The following TTC34 variants were observed in gnomAD, a reference collection of about 807,000 sequenced individuals.
The protein encoded by TTC34 is tetratricopeptide repeat domain 34, also known as tetratricopeptide repeat protein 34.
TTC34 carries 44 observed loss-of-function variants against 40.7 expected under a neutral mutation model. The ratio of observed to expected loss-of-function variants is 1.08; its 90% CI spans 0.85 to 1.39. The LOEUF (loss-of-function observed/expected upper bound fraction) is 1.39, where lower values mean the gene tolerates loss of function less well. TTC34 is among the 40% of genes most tolerant of loss of function. TTC34 has a pLI of 0.00. For synonymous variants in TTC34, 422 were observed against 398.6 expected (o/e 1.06, Z -0.70); for missense variants, 884 against 838.0 (o/e 1.05, Z -0.68).
At position 2,752,389 on chromosome 1, in the gene TTC34, G is replaced by A. The variant is rs1205338812; in HGVS notation, c.2226+31220C>T. Reference sequence around the variant, plus strand: ...CCCACACCCCCAGGCGAGCATCTGAGAGCATGTAACAGCACCCACACACCC... The same window carrying A: ...CCCACACCCCCAGGCGAGCATCTGAAAGCATGTAACAGCACCCACACACCC... On this transcript the variant is annotated intron_variant, in intron 6 of 8. Coordinates refer to ENST00000401095, the Ensembl canonical transcript of TTC34. 6.2e-4 allele frequency among the ~76,000 whole-genome samples: 3 copies of A among 4,866 alleles called. 1 individual carries two copies. The highest frequency in any genetic ancestry group is 4.1e-3 in the Admixed American group (2 of 482). The allele number at this position is 4,866 out of a possible 152,430, so 3.2% of individuals were successfully genotyped here.
chr1:2,675,218 A>AAGCACG (rs1639860109), intron 6 of TTC34, among the ~76,000 whole-genome samples: 1 of 149,596 alleles, frequency 6.7e-6, no homozygotes, highest in African/African-American at 2.5e-5. Context: ...TGAGCATCTG[A>AAGCACG]GAGCCTGGAA....
chr1:2,654,024 C>G (rs77054157), intron 6 of TTC34, among the ~76,000 whole-genome samples: 1 of 148,908 alleles, frequency 6.7e-6, no homozygotes, highest in Non-Finnish European at 1.5e-5. Context: ...AGGCGAGCAT[C>G]TGACAGCCTG....
At position 2,686,189 on chromosome 1, in the gene TTC34, C is replaced by G. The variant is rs557310711; in HGVS notation, c.2227-40626G>C. ...CAGGTGAACATCGGAGAGTCTGGAG[C>G]AGCGCCCACACCCCCAGGCGAGCAT... On this transcript the variant is annotated intron_variant, in intron 6 of 8. Coordinates refer to ENST00000401095, the Ensembl canonical transcript of TTC34. 2.7e-3 allele frequency among the ~76,000 whole-genome samples: 376 copies of G among 139,406 alleles called. 3 individuals are homozygous for G. Among genetic ancestry groups the G allele is most frequent in the Non-Finnish European group, 3.6e-3 (240 of 66,034 alleles). The allele number at this position is 139,406 out of a possible 152,430, so 91.5% of individuals were successfully genotyped here.
intron 6 of TTC34, among the ~76,000 whole-genome samples, chr1:2,671,858 G>A (rs1416822899): frequency 0.042 from 5,710 of 136,456 alleles, no homozygotes; most frequent in Non-Finnish European, 0.054. Context: ...AACTCATGGA[G>A]CAGCACCCAC....
chr1:2,686,279 A>T (rs1640341142), intron 6 of TTC34, among the ~76,000 whole-genome samples: 1 of 150,812 alleles, frequency 6.6e-6, no homozygotes, highest in East Asian at 2.0e-4. Flanking sequence ...GAGCACCCAC[A>T]CCCCCAGGCG....
intron 6 of TTC34, among the ~76,000 whole-genome samples, chr1:2,758,783 G>T (rs1641594595): frequency 4.1e-5 from 2 of 48,936 alleles, no homozygotes; most frequent in African/African-American, 1.1e-4. Flanking sequence ...AGACAGCCTG[G>T]AGCAGCACCC....
intron 6 of TTC34, among the ~76,000 whole-genome samples, chr1:2,750,655 A>G (rs1641287600): frequency 1.3e-5 from 2 of 149,200 alleles, no homozygotes; most frequent in African/African-American, 2.5e-5. Context: ...CCCCCAGGTG[A>G]GCATCTGACA....
intron 6 of TTC34, among the ~76,000 whole-genome samples, chr1:2,649,213 G>A (rs901316433): frequency 6.6e-6 from 1 of 151,852 alleles, no homozygotes; most frequent in African/African-American, 2.4e-5. Flanking sequence ...CCAACCCCAG[G>A]TGAGCTTGTG....
intron 5 of TTC34, among the ~76,000 whole-genome samples, chr1:2,784,357 G>C (rs1391642958): frequency 1.3e-5 from 2 of 152,172 alleles, no homozygotes; most frequent in African/African-American, 4.8e-5. Context: ...GAGGAACCAG[G>C]AGTATGGGAG....
At chr1:2,784,797 T>C (rs1439020183) in intron 5 of TTC34, among the ~76,000 whole-genome samples, 1 of 152,258 alleles carries the variant, frequency 6.6e-6, no homozygotes, top group Non-Finnish European at 1.5e-5. Flanking sequence ...ATCATGACTA[T>C]TCTTATTCTA....
At chr1:2,646,467 C>T (rs903985799) in intron 6 of TTC34, among the ~76,000 whole-genome samples, 4 of 152,208 alleles carry the variant, frequency 2.6e-5, no homozygotes, top group Non-Finnish European at 5.9e-5. Context: ...TCACTGCAAC[C>T]TTGAGCTCCT....
At chr1:2,695,049 T>C (rs1640797585) in intron 6 of TTC34, among the ~76,000 whole-genome samples, 4 of 147,224 alleles carry the variant, frequency 2.7e-5, no homozygotes, top group African/African-American at 5.0e-5. Flanking sequence ...GGTGAGCATC[T>C]GACACACTGA....
chr1:2,691,624 C>G lies in TTC34; in HGVS notation c.2227-46061G>C, dbSNP rs1640622324. On this transcript the variant is annotated intron_variant, in intron 6 of 8. Transcript: ENST00000401095. ...GACAGCCTGGAACAGCACCCTGCAC[C>G]CCCAGGTGCGCACGTGACAGCCTGG... Among the ~76,000 whole-genome samples the G allele has an allele frequency of 1.8e-5, 2 of 111,382 alleles. 1 individual carries two copies. The highest frequency in any genetic ancestry group is 6.1e-5 in the African/African-American group (2 of 32,650). 73.1% of individuals were successfully genotyped at this position (111,382 alleles called of 152,430 possible). A position where few individuals can be genotyped will look rare whatever the true frequency, so the allele number is the denominator to read the frequency against.
rs898690949 is a variant in TTC34 at position 2,789,383 on chromosome 1, G to A, written c.1628+120C>T. 9 of 1,021,932 alleles carry A rather than the reference G, an allele frequency of 8.8e-6. No individual in the cohort carries two copies. In the African/African-American group the frequency reaches 1.2e-4, roughly 14 times the overall value. 63.3% of individuals were successfully genotyped at this position (1,021,932 alleles called of 1,614,324 possible). A position where few individuals can be genotyped will look rare whatever the true frequency, so the allele number is the denominator to read the frequency against. On this transcript the variant is annotated intron_variant, in intron 3 of 8. Coordinates refer to ENST00000401095, the Ensembl canonical transcript of TTC34. ...GCTAGACCTGCCTCGGGTGCTTTGG[G>A]AAGTCACCAGCCACTGCCTCCGTTC...
At position 2,691,020 on chromosome 1, in the gene TTC34, C is replaced by G. The variant is rs1168567559; in HGVS notation, c.2227-45457G>C. Among the ~76,000 whole-genome samples the G allele has an allele frequency of 2.4e-5, 2 of 83,438 alleles. 1 individual carries two copies. The highest frequency in any genetic ancestry group is 7.7e-5 in the African/African-American group (2 of 26,006). The allele number at this position is 83,438 out of a possible 152,430, so 54.7% of individuals were successfully genotyped here. A position where few individuals can be genotyped will look rare whatever the true frequency, so the allele number is the denominator to read the frequency against. ...CCGGCAGCCTGGAGCGGAACCCACA[C>G]CAACAGGCGAGCATCTGACAGCCTC... On this transcript the variant is annotated intron_variant, in intron 6 of 8. Transcript: ENST00000401095.
At chr1:2,755,751 C>T (rs1380196894) in intron 6 of TTC34, among the ~76,000 whole-genome samples, 36 of 33,890 alleles carry the variant, frequency 1.1e-3, no homozygotes, top group Middle Eastern at 0.015. Context: ...CACACCCAGG[C>T]GAGCATCTGA....
chr1:2,768,310 G>T (rs1328611572), intron 6 of TTC34, among the ~76,000 whole-genome samples: 1 of 152,154 alleles, frequency 6.6e-6, no homozygotes, highest in Non-Finnish European at 1.5e-5. Flanking sequence ...ATGTTCGCAT[G>T]GGGGTGAAGG....
rs1338138256 is a variant in TTC34, at chr1:2,682,096, A to C, written c.2227-36533T>G. Among the ~76,000 whole-genome samples the C allele has an allele frequency of 2.1e-5, 3 of 140,902 alleles. No individual in the cohort carries two copies. In the South Asian group the frequency reaches 7.1e-4, roughly 33 times the overall value. The allele number at this position is 140,902 out of a possible 152,430, so 92.4% of individuals were successfully genotyped here. ...AGGTGAGCATCTGACAGCCTGGAGC[A>C]GCACCCACACCCCCAGGTGAGCATC... On this transcript the variant is annotated intron_variant, in intron 6 of 8. Coordinates refer to ENST00000401095, the Ensembl canonical transcript of TTC34.
At chr1:2,687,208 C>G (rs1316517746) in intron 6 of TTC34, among the ~76,000 whole-genome samples, 1 of 146,114 alleles carries the variant, frequency 6.8e-6, no homozygotes, top group East Asian at 2.0e-4. Context: ...CCCACACCTC[C>G]CGGCGAGCAT....
Sources: allele counts gnomAD v4.1 joint callset (sites outside exome capture counted in the v4.1 genomes callset), GRCh38; gene constraint gnomAD v4.1.1; transcripts MANE v1.5; gene names NCBI Gene and HGNC (gene_info 2026-07-23, HGNC 2026-07-21).